SUMF1: variants seen among roughly 807,000 people sequenced by gnomAD.
SUMF1 encodes sulfatase modifying factor 1, also known as formylglycine-generating enzyme.
SUMF1 carries 48 observed loss-of-function variants against 47.6 expected under a neutral mutation model. The ratio of observed to expected loss-of-function variants is 1.01; its 90% confidence interval spans 0.80 to 1.28. The LOEUF (loss-of-function observed/expected upper bound fraction) is 1.28. SUMF1 is among the 50% of genes most tolerant of loss of function. The pLI, the probability that SUMF1 is intolerant of heterozygous loss-of-function variation, is 0.00. For missense variants in SUMF1, 571 were observed against 485.4 expected, an observed-to-expected ratio of 1.18 and a Z score of -1.66; for synonymous variants, 230 against 192.1, an observed-to-expected ratio of 1.20 and a Z score of -1.63.
chr3:4,373,314 T>C (rs1256367181), intron 8 of SUMF1, among the ~76,000 whole-genome samples: 2 of 152,136 alleles, frequency 1.3e-5, no homozygotes, highest in South Asian at 2.1e-4. Flanking sequence ...AAACACCCAA[T>C]GAAAGGCAGA....
chr3:4,298,549 C>A (rs1298079871), intron 8 of SUMF1, among the ~76,000 whole-genome samples: 1 of 152,138 alleles, frequency 6.6e-6, no homozygotes, highest in African/African-American at 2.4e-5. Context: ...GACAGTATTA[C>A]CAAGAAAGAG....
intron 8 of SUMF1, among the ~76,000 whole-genome samples, chr3:4,237,654 C>T (rs1193286993): frequency 6.6e-6 from 1 of 152,010 alleles, no homozygotes; most frequent in Non-Finnish European, 1.5e-5. Flanking sequence ...TCAATTGTTC[C>T]TTTCATGAAT....
intron 8 of SUMF1, among the ~76,000 whole-genome samples, chr3:4,103,914 T>A (rs1297770349): frequency 6.6e-6 from 1 of 152,152 alleles, no homozygotes; most frequent in East Asian, 1.9e-4. Context: ...ACATTTTTCA[T>A]TTTGATGATA....
At chr3:4,294,977 C>G (rs1697820345) in intron 8 of SUMF1, among the ~76,000 whole-genome samples, 2 of 152,208 alleles carry the variant, frequency 1.3e-5, no homozygotes, top group South Asian at 4.1e-4. Flanking sequence ...TTCACACTTA[C>G]TGAGATAATG....
chr3:4,232,919 T>C (rs1033777223), intron 8 of SUMF1, among the ~76,000 whole-genome samples: 1 of 152,004 alleles, frequency 6.6e-6, no homozygotes, highest in Non-Finnish European at 1.5e-5. Flanking sequence ...GTCCTCCTTT[T>C]CCTCCCTCAT....
chr3:4,064,639 T>G (rs1695338652), intron 9 of SUMF1, among the ~76,000 whole-genome samples: 1 of 152,044 alleles, frequency 6.6e-6, no homozygotes, highest in Non-Finnish European at 1.5e-5. Flanking sequence ...AACCCTCTCT[T>G]GAGGTATGGG....
At chr3:4,182,471 G>C (rs1413141536) in intron 8 of SUMF1, among the ~76,000 whole-genome samples, 3 of 150,536 alleles carry the variant, frequency 2.0e-5, no homozygotes, top group African/African-American at 7.3e-5. Context: ...TTTGCCTTAA[G>C]GAAAAAAGAA....
At chr3:4,382,198 C>A (rs1451618733) in intron 7 of SUMF1, among the ~76,000 whole-genome samples, 1 of 152,098 alleles carries the variant, frequency 6.6e-6, no homozygotes, top group African/African-American at 2.4e-5. Context: ...AAATACTGAT[C>A]AATCTTATTA....
chr3:4,066,854 T>C (rs574740202), intron 9 of SUMF1, among the ~76,000 whole-genome samples: 2 of 152,294 alleles, frequency 1.3e-5, no homozygotes, highest in East Asian at 3.9e-4. Flanking sequence ...TGGCTTCGCA[T>C]ACGAGCATAA....
chr3:4,399,102 G>A (rs1026860290), intron 7 of SUMF1, among the ~76,000 whole-genome samples: 3 of 152,074 alleles, frequency 2.0e-5, no homozygotes, highest in Non-Finnish European at 2.9e-5. Flanking sequence ...GAGAGGGGGC[G>A]GAGGGATGGG....
intron 8 of SUMF1, among the ~76,000 whole-genome samples, chr3:4,080,263 C>A (rs1032276479): frequency 6.6e-6 from 1 of 152,090 alleles, no homozygotes; most frequent in Non-Finnish European, 1.5e-5. Context: ...TACAGCTGGA[C>A]ACCAAAAGAT....
rs1293196477 is a variant in SUMF1, at chr3:4,239,259, T to G, written c.1014+137071A>C. On this transcript the variant is annotated intron_variant and NMD_transcript_variant, in intron 8 of 12. Coordinates refer to the SUMF1 transcript ENST00000448413. ...CTTAAGATTGTCTTGGCTATATGGGTTCTTTTTTGGTTCCATGTGAAATTT... is the reference window on the plus strand; with the variant it reads ...CTTAAGATTGTCTTGGCTATATGGGGTCTTTTTTGGTTCCATGTGAAATTT... Among the ~76,000 whole-genome samples the G allele has an allele frequency of 2.6e-5, 4 of 152,106 alleles. No individual in the cohort carries two copies. The South Asian group carries it at 6.2e-4, about 24-fold the overall frequency.
intron 8 of SUMF1, among the ~76,000 whole-genome samples, chr3:4,306,248 T>C (rs961618078): frequency 4.6e-5 from 7 of 152,208 alleles, no homozygotes; most frequent in African/African-American, 1.7e-4. Flanking sequence ...GTGCCCGACG[T>C]ATTTTTTTAA....
chr3:4,068,973 C>G (rs1695449769), intron 8 of SUMF1, among the ~76,000 whole-genome samples: 2 of 151,962 alleles, frequency 1.3e-5, no homozygotes, highest in Admixed American at 1.3e-4. Context: ...GGGCCTGAAC[C>G]CTTTTATGAA....
At chr3:4,257,917 T>C (rs1696992422) in intron 8 of SUMF1, among the ~76,000 whole-genome samples, 1 of 151,556 alleles carries the variant, frequency 6.6e-6, no homozygotes, top group Non-Finnish European at 1.5e-5. Context: ...AACAGAGATA[T>C]AGATCAATGG....
At chr3:4,045,995 G>T (rs1379567111) in intron 9 of SUMF1, among the ~76,000 whole-genome samples, 1 of 152,130 alleles carries the variant, frequency 6.6e-6, no homozygotes, top group African/African-American at 2.4e-5. Flanking sequence ...AGGCTCTATT[G>T]AGCTATGATT....
intron 8 of SUMF1, among the ~76,000 whole-genome samples, chr3:4,151,556 T>TAG (rs1694334770): frequency 7.3e-6 from 1 of 137,276 alleles, no homozygotes; most frequent in Admixed American, 7.2e-5. Flanking sequence ...TGTGTGTATA[T>TAG]ACACACACAC....
Position 4,215,514 on chromosome 3 carries a change from T to A in SUMF1, c.1015-146769A>T, listed in dbSNP as rs148864232. On this transcript the variant is annotated intron_variant and NMD_transcript_variant, in intron 8 of 12. Transcript: ENST00000448413. The stretch of plus-strand genomic sequence containing the variant: ...CAAGGATGCCCTCTCTCACCACCCC[T>A]ATTCAACATAGTATTGAAAGTTCTG... 2.9e-3 allele frequency among the ~76,000 whole-genome samples: 448 copies of A among 152,274 alleles called. 4 individuals are homozygous for A. The highest frequency in any genetic ancestry group is 0.01 in the African/African-American group (417 of 41,548).
intron 8 of SUMF1, among the ~76,000 whole-genome samples, chr3:4,233,422 A>C (rs1696344305): frequency 6.6e-6 from 1 of 152,060 alleles, no homozygotes; most frequent in East Asian, 1.9e-4. Context: ...TTTTAATATA[A>C]ATTTCTCACA....
Sources: gnomAD v4.1 joint callset for allele counts (sites outside exome capture counted in the v4.1 genomes callset) on GRCh38, gnomAD v4.1.1 for gene constraint, MANE v1.5 for transcripts, NCBI Gene and HGNC (gene_info 2026-07-23, HGNC 2026-07-21) for gene names.